Variants in RNF213 observed in about 807,000 individuals in gnomAD.
RNF213 encodes the protein ring finger protein 213.
Under a neutral mutation model 514.4 loss-of-function variants are expected in RNF213, and 341 were observed. The observed-to-expected ratio is 0.66, with a 90% CI of 0.61 to 0.73. RNF213 has a LOEUF of 0.73. Ranked by LOEUF, RNF213 falls within the 30% of genes least tolerant of loss-of-function variation. The pLI is 0.00. For missense variants in RNF213, 5,767 were observed against 6,615.6 expected (o/e 0.87, Z 4.45); for synonymous variants, 2,655 against 2,658.2 (o/e 1.00, Z 0.04).
intron 5 of RNF213, among the ~76,000 whole-genome samples, chr17:80,289,229 A>G (rs1180460216): frequency 6.6e-6 from 1 of 152,174 alleles, no homozygotes; most frequent in Non-Finnish European, 1.5e-5. Flanking sequence ...GCGGCACTGG[A>G]AGGTCCCGAG....
In RNF213 at chr17:80,327,526, C is replaced by A. The variant is rs191928060; in HGVS notation, c.3194-290C>A. On this transcript the variant is annotated intron_variant, in intron 18 of 67. Coordinates refer to ENST00000582970, the MANE Select transcript of RNF213 (RefSeq NM_001256071.3). ...CAGTCCATCCGTATACTGAAGGGGA[C>A]GTGGGTTTTAACCTGAGAAATGTGT... Among the ~76,000 whole-genome samples, 214 of 151,452 alleles carry A rather than the reference C, an allele frequency of 1.4e-3. 2 individuals carry two copies. The highest frequency in any genetic ancestry group is 5.1e-3 in the African/African-American group (211 of 41,264).
intron 55 of RNF213, 59 bp downstream of exon 55, chr17:80,379,773 T>A: frequency 7.3e-7 from 1 of 1,364,858 alleles, no homozygotes; most frequent in Non-Finnish European, 1.0e-6. Context: ...TGGGCTGTTT[T>A]TATTCCAGCT....
chr17:80,292,567 C>T (rs1032965548), intron 8 of RNF213, among the ~76,000 whole-genome samples: 2 of 152,122 alleles, frequency 1.3e-5, no homozygotes, highest in African/African-American at 4.8e-5. Flanking sequence ...TCTGCAGGCT[C>T]CTGCTGGCTG....
intron 36 of RNF213, among the ~76,000 whole-genome samples, chr17:80,356,433 C>T (rs997685840): frequency 7.2e-5 from 11 of 152,244 alleles, no homozygotes; most frequent in African/African-American, 2.2e-4. Flanking sequence ...CTGTGGTCAC[C>T]GTGAGGCCTG....
rs529454052 is a variant in RNF213 at position 80,329,104 on chromosome 17, G to A, written c.3517+627G>A. 4.6e-5 allele frequency among the ~76,000 whole-genome samples: 7 copies of A among 152,342 alleles called. No homozygotes were observed. In the South Asian group the frequency reaches 6.2e-4, roughly 14 times the overall value. ...AACCTGCCAACCCTGGGCTGCAGACGTAGGGTGGAGTCTCCCTCCACCTCC... is the reference window on the plus strand; with the variant it reads ...AACCTGCCAACCCTGGGCTGCAGACATAGGGTGGAGTCTCCCTCCACCTCC... On this transcript the variant is annotated intron_variant, in intron 20 of 67. Transcript: ENST00000582970.
chr17:80,371,892 T>C lies in RNF213; in HGVS notation c.12444T>C (p.Asp4148=). 1 of 1,519,698 alleles carries C rather than the reference T, an allele frequency of 6.6e-7. No homozygotes were observed. Among genetic ancestry groups the C allele is most frequent in the Non-Finnish European group, 9.1e-7 (1 of 1,093,950 alleles). 94.1% of individuals were successfully genotyped at this position (1,519,698 alleles called of 1,614,324 possible). ...LLKYSFHDVK[D]YIQEYLTLLK... is the part of the protein sequence containing the mutation. ...TCTGCAGCTTTCATGATGTAAAAGA[T>C]TATATTCAGGAATATTTGACCCTGT... Residue 4148 remains aspartate, a synonymous_variant, in exon 47 of 68, where the codon GAT becomes GAC. Transcript: ENST00000582970.
chr17:80,274,111 T>C (rs73442431), intron 3 of RNF213, among the ~76,000 whole-genome samples: 4,272 of 152,050 alleles, frequency 0.028, 90 homozygotes, highest in East Asian at 0.11. Context: ...TGGGTGCGTG[T>C]CTTGCGCTTC....
chr17:80,384,602 C>CCT (rs767292938), intron 59 of RNF213, among the ~76,000 whole-genome samples: 8 of 152,080 alleles, frequency 5.3e-5, no homozygotes, highest in African/African-American at 1.9e-4. Flanking sequence ...AATACTGTGG[C>CCT]CTCTCTCTCA....
intron 28 of RNF213, 45 bp downstream of exon 28, chr17:80,344,060 G>A (rs1251958086): frequency 3.1e-6 from 5 of 1,596,890 alleles, no homozygotes; most frequent in Non-Finnish European, 4.3e-6. Context: ...GGGCTCTTGG[G>A]TTCTTTCTGG....
At chr17:80,384,354 T>G (rs2080145451) in intron 59 of RNF213, among the ~76,000 whole-genome samples, 1 of 152,226 alleles carries the variant, frequency 6.6e-6, no homozygotes, top group African/African-American at 2.4e-5. Flanking sequence ...TGAGTGGGTG[T>G]GTGCCGGCGG....
chr17:80,294,178 C>G (rs1390422792), intron 8 of RNF213, among the ~76,000 whole-genome samples: 1 of 152,158 alleles, frequency 6.6e-6, no homozygotes, highest in African/African-American at 2.4e-5. Context: ...GCAATGGAGC[C>G]TAAGAACAGT....
chr17:80,320,935 C>G (rs955836833), intron 17 of RNF213: 3 of 152,248 alleles, frequency 2.0e-5, no homozygotes, highest in African/African-American at 7.2e-5. Context: ...AGCAGTGAGC[C>G]ATGATCACAC....
At chr17:80,365,680 C>G (rs953291154) in intron 42 of RNF213, among the ~76,000 whole-genome samples, 1 of 152,172 alleles carries the variant, frequency 6.6e-6, no homozygotes, top group East Asian at 1.9e-4. Context: ...AACTTGAGTT[C>G]TTCTGCTGAA....
chr17:80,360,302 T>G, intron 38 of RNF213, 96 bp downstream of exon 38: 2 of 1,401,822 alleles, frequency 1.4e-6, no homozygotes, highest in Non-Finnish European at 2.0e-6. Context: ...AATTGCAAGG[T>G]GAATTTTGGA....
rs759045429 is a variant in RNF213 at position 80,376,541 on chromosome 17, G to C, written c.13426G>C (p.Ala4476Pro). The C allele has an allele frequency of 3.1e-6, 5 of 1,613,992 alleles. No homozygotes were observed. The highest frequency in any genetic ancestry group is 1.7e-5 in the Admixed American group (1 of 60,030). Residue 4476 changes from alanine (A) to proline (P), a missense_variant and splice_region_variant, in exon 52 of 68, where the codon GCG becomes CCG. This residue lies in a region of RNF213 where 1,245 missense variants were observed against 1,339.0 expected (regional missense o/e 0.93). Transcript: ENST00000582970. The stretch of plus-strand genomic sequence containing the variant: ...TCTGGCCTTCTCCCCAGCCACCATG[G>C]CGGTAAGAGTAGGCCACAATTCCAT... ...KNLAFSPATM[A>P]HAFLPTMPED...
Position 80,390,041 on chromosome 17 carries a change from C to A in RNF213, c.15315C>A (p.Tyr5105Ter), listed in dbSNP as rs755946158. 6.2e-7 allele frequency: 1 copy of A among 1,614,232 alleles called. No homozygotes were observed. Among genetic ancestry groups the A allele is most frequent in the South Asian group, 1.1e-5 (1 of 91,088 alleles). ...CATTTGGGGAAATCAGTTCAAGGTA[C>A]AAAGCGGATCTGAGCCCGGAAAATG... is the stretch of plus-strand genomic sequence containing the variant. ...KEPFGEISSR[Y>*]KADLSPENAK... The change falls in exon 67 of 68, where the codon TAC becomes TAA. Residue 5105 changes from tyrosine to a stop codon, truncating the protein, a stop_gained. Transcript: ENST00000582970. LOFTEE classifies it high-confidence loss of function.
At chr17:80,305,678 C>T (rs1235926957) in intron 11 of RNF213, among the ~76,000 whole-genome samples, 1 of 150,354 alleles carries the variant, frequency 6.7e-6, no homozygotes, top group Non-Finnish European at 1.5e-5. Context: ...GTGGCGTGAT[C>T]TCGGCTCACT....
Position 80,393,618 on chromosome 17 carries a change from G to C in RNF213, c.*120G>C. The C allele has an allele frequency of 8.6e-7, 1 of 1,160,204 alleles. No homozygotes were observed. The highest frequency in any genetic ancestry group is 1.9e-5 in the Admixed American group (1 of 51,956). 71.9% of individuals were successfully genotyped at this position (1,160,204 alleles called of 1,614,324 possible). On this transcript the variant is annotated 3_prime_UTR_variant, in exon 68 of 68. Coordinates refer to ENST00000582970, the MANE Select transcript of RNF213 (RefSeq NM_001256071.3). ...ATTCAGAAGGAGAGCTGTCAGCGTA[G>C]CACCGAATTCAAGACCAAGGCGTGC... is the stretch of plus-strand genomic sequence containing the variant.
chr17:80,277,619 C>T (rs1168864637), intron 3 of RNF213, among the ~76,000 whole-genome samples: 1 of 141,958 alleles, frequency 7.0e-6, no homozygotes, highest in African/African-American at 2.6e-5. Context: ...AAAAAAAAAG[C>T]CTAAATATCC....
Sources: allele counts gnomAD v4.1 joint callset (sites outside exome capture counted in the v4.1 genomes callset), GRCh38; gene constraint gnomAD v4.1.1; regional missense constraint gnomAD v4.1.1; transcripts MANE v1.5; gene names NCBI Gene and HGNC (gene_info 2026-07-23, HGNC 2026-07-21).